Variants in TRANK1 observed in about 807,000 individuals in gnomAD.
The protein encoded by TRANK1 is tetratricopeptide repeat and ankyrin repeat containing 1.
A neutral mutation model predicts 266.0 loss-of-function variants in TRANK1; 198 were observed. That is an observed-to-expected ratio of 0.74 (90% CI 0.66 to 0.84). TRANK1 has a LOEUF of 0.84. TRANK1 is among the 40% of genes least tolerant of loss of function. The pLI is 0.00. For missense variants in TRANK1, 3,326 were observed against 3,634.6 expected (o/e 0.92, Z 2.18); for synonymous variants, 1,396 against 1,384.1 (o/e 1.01, Z -0.19).
Position 36,832,585 on chromosome 3 carries a change from G to T in TRANK1, c.6998C>A (p.Ala2333Asp), listed in dbSNP as rs750202657. The change falls in exon 22 of 24, where the codon GCC (alanine) becomes GAC (aspartate). Residue 2333 changes from alanine to aspartate, a missense_variant. Ala to Asp is a moderately radical substitution (Grantham distance 126). Transcript: ENST00000645898. ...GGAAGAGAGAAGGAAAGCTTGCATGGCACTCAGCCACAGGTCTGTGGATTC... is the reference window on the plus strand; with the variant it reads ...GGAAGAGAGAAGGAAAGCTTGCATGTCACTCAGCCACAGGTCTGTGGATTC... ...RRESTDLWLS[A>D]MQAFLLSSNY... The T allele has an allele frequency of 6.2e-7, 1 of 1,613,968 alleles. No homozygotes were observed. The highest frequency in any genetic ancestry group is 8.5e-7 in the Non-Finnish European group (1 of 1,179,894).
intron 8 of TRANK1, among the ~76,000 whole-genome samples, chr3:36,889,490 A>T (rs2125601975): frequency 6.6e-6 from 1 of 152,332 alleles, no homozygotes; most frequent in East Asian, 1.9e-4. Flanking sequence ...TCTACCAGCT[A>T]ACACAGATTT....
At chr3:36,915,329 T>C (rs2080110073) in intron 1 of TRANK1, among the ~76,000 whole-genome samples, 1 of 152,238 alleles carries the variant, frequency 6.6e-6, no homozygotes, top group Non-Finnish European at 1.5e-5. Flanking sequence ...AATGTATAAG[T>C]GATCAGATCA....
intron 1 of TRANK1, among the ~76,000 whole-genome samples, chr3:36,911,026 C>T (rs925235420): frequency 9.9e-5 from 15 of 151,868 alleles, no homozygotes; most frequent in African/African-American, 3.4e-4. Flanking sequence ...GCCAAGATCA[C>T]GCCACTGCAC....
chr3:36,848,579 T>G (rs968871869), intron 15 of TRANK1, among the ~76,000 whole-genome samples: 2 of 152,248 alleles, frequency 1.3e-5, no homozygotes, highest in African/African-American at 2.4e-5. Flanking sequence ...CTACCTGCCT[T>G]AAGTTACTCC....
At chr3:36,885,520 C>T (rs909147482) in intron 8 of TRANK1, among the ~76,000 whole-genome samples, 28 of 152,090 alleles carry the variant, frequency 1.8e-4, no homozygotes, top group African/African-American at 6.5e-4. Flanking sequence ...AAAAAGCTAG[C>T]GAAACTCATA....
At chr3:36,944,406 G>C (rs1468394900) in intron 1 of TRANK1, among the ~76,000 whole-genome samples, 1 of 152,216 alleles carries the variant, frequency 6.6e-6, no homozygotes, top group African/African-American at 2.4e-5. Context: ...CGCCAAGAAT[G>C]CTTGCCCCGG....
intron 1 of TRANK1, among the ~76,000 whole-genome samples, chr3:36,918,621 A>AAG (rs1472184799): frequency 2.0e-5 from 3 of 148,116 alleles, no homozygotes; most frequent in East Asian, 2.0e-4. Flanking sequence ...GAAAGAAAGA[A>AAG]AGAAAGAAAG....
intron 9 of TRANK1, 56 bp from the exon 10 acceptor site, chr3:36,864,536 T>G (rs1011742772): frequency 7.5e-6 from 11 of 1,459,922 alleles, no homozygotes; most frequent in Non-Finnish European, 9.0e-6. Context: ...CTGTTACAGA[T>G]TGCAAAAATA....
intron 1 of TRANK1, among the ~76,000 whole-genome samples, chr3:36,921,285 A>G (rs1402879761): frequency 2.0e-5 from 3 of 152,236 alleles, no homozygotes. Flanking sequence ...GCTACCTGCG[A>G]CAGGAATAAG....
At chr3:36,829,382 A>G (rs977541086) in intron 23 of TRANK1, among the ~76,000 whole-genome samples, 182 bp downstream of exon 23, 3 of 152,188 alleles carry the variant, frequency 2.0e-5, no homozygotes, top group African/African-American at 4.8e-5. Flanking sequence ...TCATAATCAG[A>G]TAAGAAAACT....
intron 9 of TRANK1, among the ~76,000 whole-genome samples, chr3:36,866,076 G>T (rs2079218551): frequency 6.8e-6 from 1 of 146,636 alleles, no homozygotes; most frequent in Admixed American, 6.7e-5. Context: ...AAGAAAGAAA[G>T]AAAGAAAGAA....
chr3:36,842,896 A>C (rs1002518767), intron 17 of TRANK1, among the ~76,000 whole-genome samples, 186 bp from the exon 18 acceptor site: 5 of 152,178 alleles, frequency 3.3e-5, no homozygotes, highest in African/African-American at 1.2e-4. Context: ...GACTAGGTTA[A>C]AATGAGGCCA....
At chr3:36,829,495 C>CG (rs1039650295) in intron 23 of TRANK1, 69 bp downstream of exon 23, 4 of 1,520,844 alleles carry the variant, frequency 2.6e-6, no homozygotes, top group Non-Finnish European at 3.6e-6. Flanking sequence ...AGATTCCCCC[C>CG]GGGAGCCAGC....
Position 36,833,157 on chromosome 3 carries a change from A to C in TRANK1, c.6426T>G (p.Phe2142Leu). 2.5e-6 allele frequency: 4 copies of C among 1,613,656 alleles called. No individual in the cohort carries two copies. Among genetic ancestry groups the C allele is most frequent in the Non-Finnish European group, 3.4e-6 (4 of 1,179,706 alleles). Residue 2142 changes from phenylalanine (F) to leucine (L), a missense_variant, in exon 22 of 24, where the codon TTT (phenylalanine) becomes TTG (leucine). Transcript: ENST00000645898. ...NDPGPILRII[F>L]DLDLNLREKK... ...TCTCTCTCAAGTTCAAATCCAGGTC[A>C]AAAATTATTCTTAATATGGGCCCAG...
chr3:36,876,929 C>T (rs1179469271), intron 8 of TRANK1, among the ~76,000 whole-genome samples: 1 of 152,190 alleles, frequency 6.6e-6, no homozygotes, highest in African/African-American at 2.4e-5. Flanking sequence ...CTGCCCAGCT[C>T]TGGTGAGTTC....
intron 11 of TRANK1, among the ~76,000 whole-genome samples, chr3:36,860,471 A>T (rs1282779746): frequency 6.6e-6 from 1 of 152,206 alleles, no homozygotes; most frequent in Non-Finnish European, 1.5e-5. Flanking sequence ...CCGTTTCTTT[A>T]AAAACAAGCA....
Position 36,855,887 on chromosome 3 carries a change from C to A in TRANK1, c.3835G>T (p.Ala1279Ser). The stretch of plus-strand genomic sequence containing the variant: ...CTAGGAATGGTTGACTCTTCCTGTG[C>A]AGACCATCCTATGATGGTTCTTTTC... Reference protein sequence around the residue: ...SLKRTIIGWSAQEESTIPSWQ... With the variant: ...SLKRTIIGWSSQEESTIPSWQ... Residue 1279 changes from alanine to serine, a missense_variant, in exon 13 of 24, where the codon GCA becomes TCA. By Grantham distance (99) the Ala-to-Ser change is moderately conservative. Transcript: ENST00000645898. 1 of 1,613,684 alleles carries A rather than the reference C, an allele frequency of 6.2e-7. No homozygotes were observed. Among genetic ancestry groups the A allele is most frequent in the Non-Finnish European group, 8.5e-7 (1 of 1,179,842 alleles).
intron 1 of TRANK1, among the ~76,000 whole-genome samples, chr3:36,938,178 G>A (rs542862169): frequency 3.9e-4 from 60 of 152,232 alleles, no homozygotes; most frequent in African/African-American, 5.5e-4. Context: ...TGGGAGAATC[G>A]GAGTTCTAGC....
At chr3:36,859,333 A>G (rs1417492609) in intron 11 of TRANK1, among the ~76,000 whole-genome samples, 1 of 150,962 alleles carries the variant, frequency 6.6e-6, no homozygotes, top group Non-Finnish European at 1.5e-5. Context: ...GGTTTGTTAC[A>G]TAGGTATACA....
Sources: gnomAD v4.1 joint callset for allele counts (sites outside exome capture counted in the v4.1 genomes callset) on GRCh38, gnomAD v4.1.1 for gene constraint, MANE v1.5 for transcripts, NCBI Gene and HGNC (gene_info 2026-07-23, HGNC 2026-07-21) for gene names.